GRIA1: variants seen among roughly 807,000 people sequenced by gnomAD.
The protein encoded by GRIA1 is glutamate receptor 1.
GRIA1 carries 31 observed loss-of-function variants against 99.2 expected under a neutral mutation model. The ratio of observed to expected loss-of-function variants is 0.31; its 90% CI spans 0.23 to 0.42. The LOEUF is 0.42. Ranked by LOEUF, GRIA1 falls within the 10% of genes least tolerant of loss-of-function variation. The pLI is 1.00. For synonymous variants in GRIA1, 438 were observed against 432.4 expected (o/e 1.01, Z -0.16); for missense variants, 782 against 1,157.5 (o/e 0.68, Z 4.71).
At chr5:153,616,414 GGAA>G (rs1404266681) in intron 2 of GRIA1, among the ~76,000 whole-genome samples, 6 of 151,988 alleles carry the variant, frequency 3.9e-5, no homozygotes, top group South Asian at 4.2e-4. Context: ...GAGCCACTTT[GGAA>G]GAAGAATTGT....
At chr5:153,797,911 C>T (rs114803119) in intron 14 of GRIA1, among the ~76,000 whole-genome samples, 2,555 of 152,282 alleles carry the variant, frequency 0.017, 38 homozygotes, top group African/African-American at 0.036. Context: ...CCAATTAACA[C>T]GAGCTCCTTT....
At chr5:153,729,975 TA>T (rs1012283920) in intron 11 of GRIA1, among the ~76,000 whole-genome samples, 38 of 152,020 alleles carry the variant, frequency 2.5e-4, no homozygotes, top group African/African-American at 9.2e-4. Flanking sequence ...CTTAATTGAG[TA>T]AAAAAATGCC....
intron 2 of GRIA1, among the ~76,000 whole-genome samples, chr5:153,562,143 C>G (rs2149353335): frequency 6.6e-6 from 1 of 152,150 alleles, no homozygotes; most frequent in East Asian, 1.9e-4. Context: ...AGCATTTTGG[C>G]TGATTGCTGT....
chr5:153,638,508 AGTT>A (rs1753552229), intron 2 of GRIA1, among the ~76,000 whole-genome samples: 1 of 152,214 alleles, frequency 6.6e-6, no homozygotes, highest in South Asian at 2.1e-4. Flanking sequence ...TAACGTGGAT[AGTT>A]GTTCTGCTTC....
intron 2 of GRIA1, chr5:153,574,288 G>C (rs1023673023): frequency 6.6e-6 from 1 of 152,092 alleles, no homozygotes; most frequent in Non-Finnish European, 1.5e-5. Flanking sequence ...GTTGGTGGTT[G>C]TTTCTGTTGT....
intron 7 of GRIA1, among the ~76,000 whole-genome samples, chr5:153,680,571 A>G (rs374464111): frequency 1.3e-5 from 2 of 152,292 alleles, no homozygotes; most frequent in African/African-American, 2.4e-5. Flanking sequence ...CCTAGAATCC[A>G]TCCCAGGGCC....
chr5:153,541,329 C>T (rs1759071493), intron 2 of GRIA1, among the ~76,000 whole-genome samples: 1 of 152,180 alleles, frequency 6.6e-6, no homozygotes, highest in Non-Finnish European at 1.5e-5. Context: ...GATTAACTTT[C>T]AGTCTAAAAG....
intron 11 of GRIA1, among the ~76,000 whole-genome samples, chr5:153,720,527 C>T (rs1759982321): frequency 6.6e-6 from 1 of 152,196 alleles, no homozygotes; most frequent in African/African-American, 2.4e-5. Context: ...GCAATGTTTG[C>T]TCAATGTAGT....
chr5:153,596,028 T>TAA (rs5872327), intron 2 of GRIA1, among the ~76,000 whole-genome samples: 3,364 of 147,540 alleles, frequency 0.023, 55 homozygotes, highest in Non-Finnish European at 0.023. Flanking sequence ...ATATAGACAA[T>TAA]AAAAAAAAAA....
intron 2 of GRIA1, among the ~76,000 whole-genome samples, chr5:153,547,227 G>C (rs1759692035): frequency 6.6e-6 from 1 of 151,988 alleles, no homozygotes; most frequent in South Asian, 2.1e-4. Context: ...GTGATGTGTG[G>C]TCCAAGACAA....
At chr5:153,544,060 C>G (rs1192670079) in intron 2 of GRIA1, among the ~76,000 whole-genome samples, 1 of 151,998 alleles carries the variant, frequency 6.6e-6, no homozygotes, top group Non-Finnish European at 1.5e-5. Context: ...AAAAGGTAAG[C>G]CAGGGAGTCA....
At chr5:153,676,850 C>T in intron 6 of GRIA1, 144 bp from the exon 7 acceptor site, 1 of 498,238 alleles carries the variant, frequency 2.0e-6, no homozygotes, top group Non-Finnish European at 3.3e-6. Context: ...CCCTGATTCA[C>T]CACTGTCTGC....
chr5:153,658,268 G>A (rs768835959), intron 5 of GRIA1, among the ~76,000 whole-genome samples: 4 of 152,136 alleles, frequency 2.6e-5, no homozygotes, highest in East Asian at 3.9e-4. Flanking sequence ...CCTCTCTGGG[G>A]TGAGATAGAA....
chr5:153,654,692 G>A (rs1754810533), intron 4 of GRIA1, among the ~76,000 whole-genome samples: 1 of 152,110 alleles, frequency 6.6e-6, no homozygotes, highest in African/African-American at 2.4e-5. Flanking sequence ...GTCTGAATGT[G>A]GATTTTAATA....
chr5:153,644,107 G>T (rs1326215512), intron 2 of GRIA1, among the ~76,000 whole-genome samples: 1 of 152,098 alleles, frequency 6.6e-6, no homozygotes, highest in East Asian at 1.9e-4. Flanking sequence ...TTTTAATGAG[G>T]TTTATGTGCT....
At chr5:153,617,483 G>A (rs77413365) in intron 2 of GRIA1, among the ~76,000 whole-genome samples, 33,631 of 152,162 alleles carry the variant, frequency 0.22, 4,277 homozygotes, top group Non-Finnish European at 0.29. Flanking sequence ...TGGGACAAAC[G>A]TTGGCTCTCT....
At chr5:153,629,661 CA>C (rs1194069514) in intron 2 of GRIA1, among the ~76,000 whole-genome samples, 5 of 152,250 alleles carry the variant, frequency 3.3e-5, no homozygotes, top group African/African-American at 1.2e-4. Context: ...ATGTAGTAGG[CA>C]TTTCTGCCTT....
intron 2 of GRIA1, among the ~76,000 whole-genome samples, chr5:153,542,839 C>T (rs1363902290): frequency 6.6e-6 from 1 of 152,064 alleles, no homozygotes; most frequent in East Asian, 1.9e-4. Context: ...TCATTTATCA[C>T]ATTATATTAT....
chr5:153,643,133 GAA>G (rs1012305638), intron 2 of GRIA1, among the ~76,000 whole-genome samples: 13 of 152,138 alleles, frequency 8.5e-5, no homozygotes, highest in Non-Finnish European at 1.6e-4. Flanking sequence ...TACTGGATTT[GAA>G]AAAGTGCACT....
Sources: allele counts gnomAD v4.1 joint callset (sites outside exome capture counted in the v4.1 genomes callset), GRCh38; gene constraint gnomAD v4.1.1; transcripts MANE v1.5; gene names NCBI Gene and HGNC (gene_info 2026-07-23, HGNC 2026-07-21).